CNTN6: variants seen among roughly 807,000 people sequenced by gnomAD.
The protein encoded by CNTN6 is contactin-6.
Under a neutral mutation model 122.8 loss-of-function variants are expected in CNTN6, and 137 were observed. That is an observed-to-expected ratio of 1.12 (90% CI 0.97 to 1.29). The LOEUF is 1.29. Among genes scored for constraint, CNTN6 ranks in the 50% most tolerant of loss-of-function variants. The pLI is 0.00. For synonymous variants in CNTN6, 570 were observed against 426.0 expected, an observed-to-expected ratio of 1.34 and a Z score of -4.16; for missense variants, 1,634 against 1,223.4, an observed-to-expected ratio of 1.34 and a Z score of -5.01.
intron 11 of CNTN6, among the ~76,000 whole-genome samples, chr3:1,344,588 CGAG>C (rs1704382610): frequency 6.6e-6 from 1 of 152,006 alleles, no homozygotes; most frequent in African/African-American, 2.4e-5. Flanking sequence ...CTGCTAGATA[CGAG>C]GAGAAGAGAG....
intron 2 of CNTN6, among the ~76,000 whole-genome samples, chr3:1,205,381 G>A (rs1351845100): frequency 6.6e-6 from 1 of 152,140 alleles, no homozygotes; most frequent in African/African-American, 2.4e-5. Flanking sequence ...TGGTGTTCTG[G>A]CAAAATAGTC....
intron 2 of CNTN6, among the ~76,000 whole-genome samples, chr3:1,216,492 G>A (rs778212525): frequency 1.5e-4 from 23 of 152,016 alleles, no homozygotes; most frequent in Non-Finnish European, 2.9e-4. Flanking sequence ...TACTTACAAC[G>A]TCTCACACAT....
intron 1 of CNTN6, among the ~76,000 whole-genome samples, chr3:1,132,868 G>T (rs958140353): frequency 1.3e-5 from 2 of 151,988 alleles, no homozygotes; most frequent in African/African-American, 4.8e-5. Flanking sequence ...TTATGTGTCT[G>T]CTTTCAAGGA....
intron 4 of CNTN6, among the ~76,000 whole-genome samples, chr3:1,272,003 C>T (rs570439336): frequency 1.3e-5 from 2 of 152,094 alleles, no homozygotes; most frequent in East Asian, 3.8e-4. Flanking sequence ...ATCATGGGGG[C>T]AGGTTTTACC....
At chr3:1,245,263 A>G in intron 4 of CNTN6, among the ~76,000 whole-genome samples, 2 of 4,726 alleles carry the variant, frequency 4.2e-4, no homozygotes, top group African/African-American at 6.6e-4. Context: ...TATAACATAT[A>G]TATATATATA....
intron 1 of CNTN6, among the ~76,000 whole-genome samples, chr3:1,096,678 ACT>A (rs1173461355): frequency 6.6e-6 from 1 of 152,014 alleles, no homozygotes; most frequent in Non-Finnish European, 1.5e-5. Flanking sequence ...TTCTCTTAAC[ACT>A]CTAGCAATTT....
At chr3:1,318,249 C>G (rs541037999) in intron 7 of CNTN6, among the ~76,000 whole-genome samples, 10 of 151,758 alleles carry the variant, frequency 6.6e-5, no homozygotes, top group Non-Finnish European at 1.5e-4. Context: ...GTGATTGTAG[C>G]TCTGCAGAGC....
At chr3:1,317,139 T>C (rs957951633) in intron 7 of CNTN6, among the ~76,000 whole-genome samples, 1 of 151,914 alleles carries the variant, frequency 6.6e-6, no homozygotes, top group Non-Finnish European at 1.5e-5. Flanking sequence ...TTTTCTCCCA[T>C]TAAAAACTTT....
At chr3:1,275,266 T>C (rs1469071678) in intron 4 of CNTN6, among the ~76,000 whole-genome samples, 1 of 152,168 alleles carries the variant, frequency 6.6e-6, no homozygotes, top group Non-Finnish European at 1.5e-5. Context: ...CTCTTACTCA[T>C]AGCCAACTCT....
intron 19 of CNTN6, among the ~76,000 whole-genome samples, chr3:1,384,726 CACACATATATAT>C (rs1448335607): frequency 1.6e-5 from 2 of 127,906 alleles, no homozygotes; most frequent in Admixed American, 1.6e-4. Context: ...ACTATATATA[CACACATATATAT>C]ACATATATAC....
At chr3:1,206,906 T>C (rs1414350000) in intron 2 of CNTN6, among the ~76,000 whole-genome samples, 2 of 152,174 alleles carry the variant, frequency 1.3e-5, no homozygotes, top group Non-Finnish European at 2.9e-5. Context: ...CATTGGCTAT[T>C]GTTCCTCAGT....
intron 1 of CNTN6, among the ~76,000 whole-genome samples, chr3:1,104,746 T>C (rs7641097): frequency 0.065 from 9,830 of 152,186 alleles, 422 homozygotes; most frequent in Non-Finnish European, 0.089. Flanking sequence ...TGTATATGTG[T>C]GTACGTGTGT....
chr3:1,136,817 T>G (rs2092486739), intron 1 of CNTN6, among the ~76,000 whole-genome samples: 1 of 152,136 alleles, frequency 6.6e-6, no homozygotes, highest in Admixed American at 6.5e-5. Context: ...AATGAGGGAT[T>G]TTTCTGCCAC....
chr3:1,172,037 G>A (rs1325491597), intron 2 of CNTN6, among the ~76,000 whole-genome samples: 2 of 152,100 alleles, frequency 1.3e-5, no homozygotes, highest in African/African-American at 4.8e-5. Context: ...CCTTGACATG[G>A]TAACTCCTAT....
Position 1,399,352 on chromosome 3 carries a change from A to G in CNTN6, c.2705-2081A>G, listed in dbSNP as rs560958466. Among the ~76,000 whole-genome samples, 10 of 152,222 alleles carry G rather than the reference A, an allele frequency of 6.6e-5. No homozygotes were observed. In the South Asian group the frequency reaches 1.7e-3, roughly 25 times the overall value. ...AGTTGAGGAAGGATAGTTACAAAAT[A>G]ATTCTTGCTGCCATTCAGACCTTTA... On this transcript the variant is annotated intron_variant, in intron 20 of 22. Transcript: ENST00000446702.
chr3:1,213,640 A>T (rs1559525560), intron 2 of CNTN6, among the ~76,000 whole-genome samples: 1 of 151,954 alleles, frequency 6.6e-6, no homozygotes, highest in Admixed American at 6.6e-5. Flanking sequence ...ATAAATACAG[A>T]AAAGATATAC....
chr3:1,131,578 G>A (rs80343595), intron 1 of CNTN6, among the ~76,000 whole-genome samples: 85 of 152,230 alleles, frequency 5.6e-4, no homozygotes, highest in Admixed American at 1.8e-3. Flanking sequence ...ATGCAGGAAT[G>A]AATGGAGACT....
intron 2 of CNTN6, among the ~76,000 whole-genome samples, chr3:1,194,807 A>G (rs1416825042): frequency 1.3e-5 from 2 of 152,140 alleles, no homozygotes; most frequent in East Asian, 3.9e-4. Context: ...GAGAACATGT[A>G]TCTTATTCCT....
chr3:1,354,546 T>C (rs772720573), intron 12 of CNTN6, among the ~76,000 whole-genome samples: 6 of 151,292 alleles, frequency 4.0e-5, no homozygotes, highest in Non-Finnish European at 8.9e-5. Flanking sequence ...GACTTACTTA[T>C]TATGGTTTTT....
Sources: gnomAD v4.1 joint callset for allele counts (sites outside exome capture counted in the v4.1 genomes callset) on GRCh38, gnomAD v4.1.1 for gene constraint, MANE v1.5 for transcripts, NCBI Gene and HGNC (gene_info 2026-07-23, HGNC 2026-07-21) for gene names.